COL6A5: variants seen among roughly 807,000 people sequenced by gnomAD.
COL6A5 encodes collagen alpha-5(VI) chain.
COL6A5 carries 48 observed loss-of-function variants against 65.6 expected under a neutral mutation model. The observed-to-expected ratio is 0.73, with a 90% CI of 0.58 to 0.93. The LOEUF (loss-of-function observed/expected upper bound fraction) is 0.93, where lower values mean the gene tolerates loss of function less well. COL6A5 is among the 40% of genes least tolerant of loss of function. COL6A5 has a pLI of 0.00. For missense variants in COL6A5, 914 were observed against 928.3 expected, an observed-to-expected ratio of 0.98 and a Z score of 0.20; for synonymous variants, 291 against 322.8, an observed-to-expected ratio of 0.90 and a Z score of 1.05.
intron 1 of COL6A5, among the ~76,000 whole-genome samples, chr3:130,363,420 G>A (rs1192670024): frequency 1.3e-5 from 2 of 152,294 alleles, no homozygotes; most frequent in East Asian, 1.9e-4. Flanking sequence ...GTGAGCCTGT[G>A]TTCCCGAGCT....
exon 24 of COL6A5, chr3:130,416,809 T>TTTCCCCAAAAGTCCA: frequency 6.6e-7 from 1 of 1,513,938 alleles, no homozygotes; most frequent in Non-Finnish European, 8.9e-7. Context: ...CCTGGACTTT[T>TTTCCCCAAAAGTCCA]GGGGAAAAAA....
intron 1 of COL6A5, among the ~76,000 whole-genome samples, chr3:130,433,257 C>T (rs1286320109): frequency 6.6e-6 from 1 of 152,114 alleles, no homozygotes; most frequent in African/African-American, 2.4e-5. Context: ...AAATAAGTGA[C>T]TTTCAGCTTT....
intron 7 of COL6A5, among the ~76,000 whole-genome samples, chr3:130,482,990 C>T (rs1305926156): frequency 6.6e-6 from 1 of 152,114 alleles, no homozygotes; most frequent in Non-Finnish European, 1.5e-5. Context: ...AGTTGGGTTA[C>T]CCACAAAGGG....
chr3:130,407,852 C>T (rs1201157447), intron 17 of COL6A5, among the ~76,000 whole-genome samples: 1 of 152,126 alleles, frequency 6.6e-6, no homozygotes, highest in Non-Finnish European at 1.5e-5. Context: ...GTCAGGGAAC[C>T]CGAACAGAGG....
At chr3:130,459,208 A>G (rs952301246) in intron 5 of COL6A5, among the ~76,000 whole-genome samples, 2 of 152,140 alleles carry the variant, frequency 1.3e-5, no homozygotes, top group Non-Finnish European at 2.9e-5. Context: ...CAATGAGCTC[A>G]TTAAGAAATG....
chr3:130,460,911 G>T (rs1709688672), intron 5 of COL6A5, among the ~76,000 whole-genome samples: 1 of 151,834 alleles, frequency 6.6e-6, no homozygotes, highest in African/African-American at 2.4e-5. Flanking sequence ...ATGGTGGAGT[G>T]GTAGTGAGAG....
chr3:130,377,118 A>G (rs180709136), intron 3 of COL6A5, among the ~76,000 whole-genome samples: 2 of 151,980 alleles, frequency 1.3e-5, no homozygotes, highest in Admixed American at 6.6e-5. Context: ...TTTCCTTTCT[A>G]ATTTCTTTTT....
At chr3:130,469,026 A>G in exon 6 of COL6A5, 1 of 1,612,608 alleles carries the variant, frequency 6.2e-7, no homozygotes, top group Non-Finnish European at 8.5e-7. Context: ...GTCCTGAGCT[A>G]CTCTCCTCCA....
At chr3:130,353,865 A>G (rs1458891481) in intron 1 of COL6A5, among the ~76,000 whole-genome samples, 1 of 152,040 alleles carries the variant, frequency 6.6e-6, no homozygotes, top group Non-Finnish European at 1.5e-5. Flanking sequence ...TATTAAATGA[A>G]TATGTCACTT....
chr3:130,482,548 AAATTT>A (rs1710278400), intron 7 of COL6A5, among the ~76,000 whole-genome samples: 1 of 152,086 alleles, frequency 6.6e-6, no homozygotes, highest in Admixed American at 6.5e-5. Flanking sequence ...GTTTCATATG[AAATTT>A]AAAGTAGTTT....
chr3:130,473,329 A>T (rs529734445), intron 7 of COL6A5, among the ~76,000 whole-genome samples: 3 of 152,146 alleles, frequency 2.0e-5, no homozygotes, highest in Admixed American at 2.0e-4. Context: ...AAGCCTAAGT[A>T]CAGGAACTGT....
intron 4 of COL6A5, among the ~76,000 whole-genome samples, chr3:130,449,308 G>C (rs557790856): frequency 6.6e-6 from 1 of 152,100 alleles, no homozygotes. Context: ...GACTGAGACC[G>C]AGTCCAGGAA....
rs117115636 is a variant in COL6A5, at chr3:130,368,173, C to A, written c.-28-5438C>A. On this transcript the variant is annotated intron_variant and NMD_transcript_variant, in intron 1 of 41. Coordinates refer to the COL6A5 transcript ENST00000312481. ...TCCTGCTACAGCAGGCTCCCTGGGACTTGTCTGGAATGCTCCAATATGGTG... is the reference window on the plus strand; with the variant it reads ...TCCTGCTACAGCAGGCTCCCTGGGAATTGTCTGGAATGCTCCAATATGGTG... Among the ~76,000 whole-genome samples the A allele has an allele frequency of 4.0e-4, 61 of 152,342 alleles. 2 individuals are homozygous for A. The East Asian group carries it at 8.1e-3, about 20-fold the overall frequency.
At chr3:130,422,654 G>GT (rs946682032) in intron 27 of COL6A5, 66 bp from the exon 28 acceptor site, 17,870 of 874,294 alleles carry the variant, frequency 0.02, no homozygotes, top group South Asian at 0.025. Flanking sequence ...AGTCCAGAGA[G>GT]TTTTTTTTTT....
chr3:130,462,178 T>C, intron 5 of COL6A5, among the ~76,000 whole-genome samples: 1 of 152,090 alleles, frequency 6.6e-6, no homozygotes, highest in South Asian at 2.1e-4. Context: ...TACATACATA[T>C]TTGTGCCTGC....
intron 1 of COL6A5, among the ~76,000 whole-genome samples, chr3:130,432,350 C>T (rs980472638): frequency 1.3e-5 from 2 of 151,984 alleles, no homozygotes; most frequent in Non-Finnish European, 1.5e-5. Context: ...GTCAGGAGAT[C>T]GAGACCATCC....
intron 5 of COL6A5, among the ~76,000 whole-genome samples, 189 bp downstream of exon 37, chr3:130,455,855 A>T (rs547409845): frequency 9.2e-5 from 14 of 152,162 alleles, no homozygotes; most frequent in Non-Finnish European, 2.1e-4. Flanking sequence ...TGCTAGGGAG[A>T]TCACTGATAG....
intron 6 of COL6A5, 57 bp from the exon 39 acceptor site, chr3:130,470,814 G>T (rs771240345): frequency 1.5e-5 from 19 of 1,271,406 alleles, no homozygotes; most frequent in Non-Finnish European, 1.9e-5. Flanking sequence ...CTGACTTTGG[G>T]TGAGATAATA....
At chr3:130,429,300 C>G (rs761282170), upstream of COL6A5, among the ~76,000 whole-genome samples, 1 of 152,110 alleles carries the variant, frequency 6.6e-6, no homozygotes, top group African/African-American at 2.4e-5. Flanking sequence ...GCTTCTAAGA[C>G]AAGTGATCAG....
Sources: gnomAD v4.1 joint callset for allele counts (sites outside exome capture counted in the v4.1 genomes callset) on GRCh38, gnomAD v4.1.1 for gene constraint, MANE v1.5 for transcripts, NCBI Gene and HGNC (gene_info 2026-07-23, HGNC 2026-07-21) for gene names.